Variants in TFEB observed in about 807,000 individuals in gnomAD.
TFEB encodes T-cell transcription factor EB.
In TFEB, 12 loss-of-function variants were observed where a neutral mutation model predicts 48.0. That is an observed-to-expected ratio of 0.25 (90% CI 0.16 to 0.40). The LOEUF (loss-of-function observed/expected upper bound fraction) is 0.40, where lower values mean the gene tolerates loss of function less well. Among genes scored for constraint, TFEB ranks in the 10% least tolerant of loss-of-function variants. The pLI, the probability that TFEB is intolerant of heterozygous loss-of-function variation, is 1.00. For synonymous variants in TFEB, 244 were observed against 261.4 expected (o/e 0.93, Z 0.64); for missense variants, 509 against 640.3 (o/e 0.79, Z 2.21).
intron 1 of TFEB, among the ~76,000 whole-genome samples, chr6:41,721,633 G>A (rs895198294): frequency 3.3e-5 from 5 of 152,282 alleles, no homozygotes; most frequent in Middle Eastern, 3.4e-3. Context: ...TACAACAGGC[G>A]CCTAATAATG....
In TFEB at chr6:41,684,809, G is replaced by A. The variant is rs142198037; in HGVS notation, c.1221C>T (p.Asp407=). The change falls in exon 9 of 9, where the codon GAC becomes GAT. Residue 407 remains aspartate (D), a synonymous_variant. Coordinates refer to ENST00000373033, the MANE Select transcript of TFEB (RefSeq NM_001271944.2). ...GTTCGGGGTAGCCCGGGGGACCCTC[G>A]TCCTCCCTGCCCCCAAAGCTCAGGC... ...SHSLSFGGRE[D]EGPPGYPEPL... 1.7e-4 allele frequency: 264 copies of A among 1,598,118 alleles called. No homozygotes were observed. The highest frequency in any genetic ancestry group is 2.1e-4 in the Non-Finnish European group (243 of 1,171,830).
intron 1 of TFEB, among the ~76,000 whole-genome samples, chr6:41,705,340 C>G (rs1482352236): frequency 6.6e-6 from 1 of 152,150 alleles, no homozygotes; most frequent in African/African-American, 2.4e-5. Flanking sequence ...TGGCAAGGAC[C>G]CAAATTTTAA....
chr6:41,687,071 C>T (rs761874178), intron 7 of TFEB, 23 bp downstream of exon 7: 5 of 1,612,128 alleles, frequency 3.1e-6, no homozygotes, highest in African/African-American at 1.3e-5. Context: ...ACCCATCACC[C>T]TCCCCCTCAG....
chr6:41,725,513 G>GC (rs770489774), intron 1 of TFEB, among the ~76,000 whole-genome samples: 5 of 152,146 alleles, frequency 3.3e-5, no homozygotes, highest in Non-Finnish European at 7.3e-5. Flanking sequence ...AGGCTTCTTA[G>GC]CCCCAGCAGG....
intron 4 of TFEB, among the ~76,000 whole-genome samples, chr6:41,689,026 C>T (rs925378683): frequency 6.6e-6 from 1 of 152,232 alleles, no homozygotes; most frequent in African/African-American, 2.4e-5. Context: ...AGAGAGCTTG[C>T]CCTCAATTTC....
Position 41,687,737 on chromosome 6 carries a change from G to A in TFEB, c.727+16C>T. ...AAGGAAGAGGGAGGCAGGGAGAGGG[G>A]CGGGGCAGGACTCACTTAAGTTGTG... On this transcript the variant is annotated intron_variant, in intron 6 of 8. Coordinates refer to ENST00000373033, the MANE Select transcript of TFEB (RefSeq NM_001271944.2). 6.2e-7 allele frequency: 1 copy of A among 1,614,024 alleles called. No individual in the cohort carries two copies.
chr6:41,723,574 C>CG lies in TFEB; in HGVS notation c.-23+11775dup, dbSNP rs1771078919. The CG allele has an allele frequency of 2.4e-6, 3 of 1,249,772 alleles. No individual in the cohort carries two copies. Among genetic ancestry groups the CG allele is most frequent in the Non-Finnish European group, 3.1e-6 (3 of 970,060 alleles). 77.4% of individuals were successfully genotyped at this position (1,249,772 alleles called of 1,614,324 possible). On this transcript the variant is annotated intron_variant, in intron 1 of 8. Coordinates refer to ENST00000373033, the MANE Select transcript of TFEB (RefSeq NM_001271944.2). The surrounding 1 kb of genome is among the most constrained non-coding windows in gnomAD (Gnocchi z 6.0). The stretch of plus-strand genomic sequence containing the variant: ...GCCGGGCTCAGTTTCCTCATTTCCC[C>CG]GGCGGCTGCTGTTTCTCACCCAGCC...
chr6:41,731,304 G>A (rs1279880989), intron 1 of TFEB, among the ~76,000 whole-genome samples: 1 of 152,100 alleles, frequency 6.6e-6, no homozygotes, highest in African/African-American at 2.4e-5. Flanking sequence ...CCTGGCCCCA[G>A]AGCCCACGTT....
chr6:41,691,520 G>A lies in TFEB; in HGVS notation c.-22-285C>T, dbSNP rs138008255. On this transcript the variant is annotated intron_variant, in intron 1 of 8. Transcript: ENST00000373033. The surrounding 1 kb of genome is among the most constrained non-coding windows in gnomAD (Gnocchi z 5.2). ...TAAGAGTCAACTTCCACTCCTCTCT[G>A]TGTCACGCCCACATCCTGATCCTGT... The A allele has an allele frequency of 2.2e-5, 14 of 628,488 alleles. 1 individual carries two copies. Among genetic ancestry groups the A allele is most frequent in the Middle Eastern group, 2.5e-4 (1 of 3,940 alleles). The allele number at this position is 628,488 out of a possible 1,614,324, so 38.9% of individuals were successfully genotyped here.
At position 41,703,639 on chromosome 6, in the gene TFEB, T is replaced by C. The variant is rs560852372; in HGVS notation, c.-22-12404A>G. ...CAAAAGAAGACAGTGGAGAGGGGAA[T>C]GGAGGAAGAAAGGACAAAAACATCT... On this transcript the variant is annotated intron_variant, in intron 1 of 8. Coordinates refer to ENST00000373033, the MANE Select transcript of TFEB (RefSeq NM_001271944.2). Among the ~76,000 whole-genome samples the C allele has an allele frequency of 2.3e-3, 345 of 152,342 alleles. 2 individuals carry two copies. Among genetic ancestry groups the C allele is most frequent in the African/African-American group, 7.7e-3 (322 of 41,572 alleles).
chr6:41,732,601 C>T, intron 1 of TFEB: 1 of 985,960 alleles, frequency 1.0e-6, no homozygotes, highest in African/African-American at 1.7e-5. Flanking sequence ...AACTCACAAC[C>T]ATTACATAAA....
intron 4 of TFEB, among the ~76,000 whole-genome samples, chr6:41,689,468 C>T (rs11759687): frequency 7.2e-5 from 11 of 152,242 alleles, no homozygotes; most frequent in African/African-American, 2.7e-4. Flanking sequence ...AAGCTCCCCC[C>T]ACAGGCCCAC....
intron 1 of TFEB, among the ~76,000 whole-genome samples, chr6:41,702,659 C>T (rs1389797796): frequency 1.3e-5 from 2 of 152,156 alleles, no homozygotes; most frequent in East Asian, 3.9e-4. Context: ...GAAGGTGAGG[C>T]CTAAGACTCT....
At chr6:41,693,193 T>C (rs1462986157) in intron 1 of TFEB, among the ~76,000 whole-genome samples, 2 of 152,154 alleles carry the variant, frequency 1.3e-5, no homozygotes, top group African/African-American at 4.8e-5. Context: ...AAGGCTGACA[T>C]GTTCTGGCTA....
rs747032490 is a variant in TFEB at position 41,687,748 on chromosome 6, C to T, written c.727+5G>A. The T allele has an allele frequency of 6.8e-6, 11 of 1,613,954 alleles. No homozygotes were observed. The highest frequency in any genetic ancestry group is 1.6e-4 in the Middle Eastern group (1 of 6,082). On this transcript the variant is annotated splice_donor_5th_base_variant and intron_variant, in intron 6 of 8. Transcript: ENST00000373033. Reference sequence around the variant, plus strand: ...AGGCAGGGAGAGGGGCGGGGCAGGACTCACTTAAGTTGTGATTGTCTTTCT... The same window carrying T: ...AGGCAGGGAGAGGGGCGGGGCAGGATTCACTTAAGTTGTGATTGTCTTTCT...
In TFEB at chr6:41,724,664, C is replaced by A. The variant is rs76432871; in HGVS notation, c.-23+10686G>T. Among the ~76,000 whole-genome samples the A allele has an allele frequency of 6.6e-6, 1 of 152,126 alleles. No individual in the cohort carries two copies. ...CTGCAATGGGGCCTCAGATAAGGAA[C>A]ATGATAAATACCTCTTATCACCCCC... On this transcript the variant is annotated intron_variant, in intron 1 of 8. Coordinates refer to ENST00000373033, the MANE Select transcript of TFEB (RefSeq NM_001271944.2). This position sits in a 1 kb window ranked among gnomAD's most constrained non-coding sequence, Gnocchi z 4.4.
Position 41,684,952 on chromosome 6 carries a change from G to A in TFEB, c.1078C>T (p.Leu360=). The A allele has an allele frequency of 6.3e-7, 1 of 1,586,216 alleles. No homozygotes were observed. Among genetic ancestry groups the A allele is most frequent in the Non-Finnish European group, 8.6e-7 (1 of 1,166,410 alleles). ...LPSEEGPGEA[L]MLGAEVPDPE... ...TCAGGGACCTCAGCCCCCAGCATCA[G>A]GGCCTCCCCTGGGCCCTCTTCGCTA... is the stretch of plus-strand genomic sequence containing the variant. The change falls in exon 9 of 9, where the codon CTG becomes TTG. Residue 360 remains leucine (L), a synonymous_variant. Transcript: ENST00000373033.
intron 1 of TFEB, among the ~76,000 whole-genome samples, chr6:41,704,325 T>C (rs1056750921): frequency 6.6e-6 from 1 of 152,234 alleles, no homozygotes; most frequent in African/African-American, 2.4e-5. Flanking sequence ...TTTGTCAGCT[T>C]TGTGACTGGG....
At position 41,723,356 on chromosome 6, in the gene TFEB, T is replaced by A. The variant is rs1173344033; in HGVS notation, c.-23+11994A>T. 9.1e-6 allele frequency: 6 copies of A among 660,112 alleles called. No individual in the cohort carries two copies. Among genetic ancestry groups the A allele is most frequent in the Non-Finnish European group, 1.4e-5 (6 of 420,882 alleles). 40.9% of individuals were successfully genotyped at this position (660,112 alleles called of 1,614,324 possible). ...CCCAAAGACACCACACGCATGCACA[T>A]ACACTCACACAGATGCACACAGGCT... On this transcript the variant is annotated intron_variant, in intron 1 of 8. Coordinates refer to ENST00000373033, the MANE Select transcript of TFEB (RefSeq NM_001271944.2). This position sits in a 1 kb window ranked among gnomAD's most constrained non-coding sequence, Gnocchi z 6.0.
Sources: gnomAD v4.1 joint callset for allele counts (sites outside exome capture counted in the v4.1 genomes callset) on GRCh38, gnomAD v4.1.1 for gene constraint, Gnocchi (gnomAD v3.1) non-coding constraint, MANE v1.5 for transcripts, NCBI Gene and HGNC (gene_info 2026-07-23, HGNC 2026-07-21) for gene names.